PAK6: variants seen among roughly 807,000 people sequenced by gnomAD.
PAK6 encodes serine/threonine-protein kinase PAK 6.
A neutral mutation model predicts 60.8 loss-of-function variants in PAK6; 33 were observed. The ratio of observed to expected loss-of-function variants is 0.54; its 90% CI spans 0.41 to 0.73. The LOEUF (loss-of-function observed/expected upper bound fraction) is 0.73. Among genes scored for constraint, PAK6 ranks in the 30% least tolerant of loss-of-function variants. The pLI is 0.00. For missense variants in PAK6, 845 were observed against 904.1 expected (o/e 0.93, Z 0.84); for synonymous variants, 404 against 378.5 (o/e 1.07, Z -0.78).
intron 3 of PAK6, chr15:40,263,748 G>C: frequency 1.9e-5 from 7 of 365,316 alleles, no homozygotes; most frequent in South Asian, 1.4e-4. Flanking sequence ...ATGGGTATCC[G>C]GGACTACAGG....
intron 10 of PAK6, 148 bp downstream of exon 10, chr15:40,274,424 G>A (rs955312301): frequency 1.1e-4 from 90 of 828,354 alleles, no homozygotes; most frequent in Non-Finnish European, 7.3e-6. Flanking sequence ...CACAAAACCC[G>A]CACCTGGGTG....
At chr15:40,246,792 AG>A (rs1280253851) in intron 2 of PAK6, 4 of 152,374 alleles carry the variant, frequency 2.6e-5, no homozygotes, top group Non-Finnish European at 5.9e-5. Context: ...GAAGGATGGC[AG>A]CATGGCACAG....
intron 2 of PAK6, chr15:40,252,600 T>A: frequency 3.7e-6 from 5 of 1,351,588 alleles, no homozygotes; most frequent in Non-Finnish European, 4.9e-6. Context: ...GCGCGGCCCC[T>A]CCTCGGCGTT....
At chr15:40,265,879 A>G in exon 5 of PAK6, 6 of 1,558,022 alleles carry the variant, frequency 3.9e-6, no homozygotes, top group Non-Finnish European at 5.2e-6. Flanking sequence ...GTGGATGGCT[A>G]CATCTCGGGG....
exon 5 of PAK6, chr15:40,266,364 G>C: frequency 6.2e-7 from 1 of 1,612,816 alleles, no homozygotes; most frequent in Non-Finnish European, 8.5e-7. Context: ...CAGGCCAGGT[G>C]GGGAAGGCAG....
intron 3 of PAK6, among the ~76,000 whole-genome samples, chr15:40,256,510 G>A (rs2038838499): frequency 6.6e-6 from 1 of 152,196 alleles, no homozygotes; most frequent in Non-Finnish European, 1.5e-5. Context: ...GGTGATGGTA[G>A]TAGAGTGCTT....
intron 3 of PAK6, chr15:40,259,832 A>G (rs1175278419): frequency 2.0e-5 from 3 of 151,496 alleles, no homozygotes; most frequent in Non-Finnish European, 4.4e-5. Flanking sequence ...TAGAGAAGCA[A>G]TCCGTCGTCT....
chr15:40,276,474 C>T (rs1490630841), exon 11 of PAK6: 2 of 188,254 alleles, frequency 1.1e-5, no homozygotes, highest in Non-Finnish European at 2.2e-5. Flanking sequence ...GACTGCTGGT[C>T]TCCACAGATA....
At position 40,248,465 on chromosome 15, in the gene PAK6, TCCAGCACACGTGCCC is replaced by T. The variant is rs1408832546; in HGVS notation, c.-117-4709_-117-4695del. ...TCCACAGGGCTCCTCCTGCCAAGCATCCAGCACACGTGCCCCCACCTCCCCGGCAGGTCCTGCTTG... is the reference window on the plus strand; with the variant it reads ...TCCACAGGGCTCCTCCTGCCAAGCATCCACCTCCCCGGCAGGTCCTGCTTG... On this transcript the variant is annotated intron_variant, in intron 2 of 10. Coordinates refer to ENST00000560346, the Ensembl canonical transcript of PAK6. Among the ~76,000 whole-genome samples the T allele has an allele frequency of 2.0e-5, 3 of 152,264 alleles. No homozygotes were observed. In the East Asian group the frequency reaches 5.8e-4, roughly 29 times the overall value.
rs1310345834 is a variant in PAK6 at position 40,268,084 on chromosome 15, G to A, written c.858+1589G>A. 5.3e-5 allele frequency among the ~76,000 whole-genome samples: 8 copies of A among 152,152 alleles called. No individual in the cohort carries two copies. The East Asian group carries it at 1.5e-3, about 29-fold the overall frequency. On this transcript the variant is annotated intron_variant, in intron 5 of 10. Transcript: ENST00000560346. ...ATGGGCCACTGCTGCTGGGTATGCC[G>A]GGATGTCCCCCATACTTGTGGGAGC...
intron 3 of PAK6, 80 bp downstream of exon 3, chr15:40,253,369 C>G (rs1006142130): frequency 2.3e-6 from 1 of 429,448 alleles, no homozygotes; most frequent in Admixed American, 2.5e-5. Flanking sequence ...AGTGGGCAGG[C>G]AGGTGGCCCT....
chr15:40,272,638 C>G (rs145812191), exon 6 of PAK6: 1 of 1,609,288 alleles, frequency 6.2e-7, no homozygotes, highest in South Asian at 1.1e-5. Context: ...CTGCTTGGCC[C>G]GGGAGAAGCA....
At chr15:40,262,333 G>A (rs1463372044) in intron 3 of PAK6, among the ~76,000 whole-genome samples, 7 of 152,108 alleles carry the variant, frequency 4.6e-5, no homozygotes, top group East Asian at 1.9e-4. Context: ...GTGAAATCCC[G>A]TCTCTACTAA....
At chr15:40,258,300 GGGA>G in intron 3 of PAK6, among the ~76,000 whole-genome samples, 1 of 152,194 alleles carries the variant, frequency 6.6e-6, no homozygotes, top group Non-Finnish European at 1.5e-5. Context: ...CCTCCAGAGA[GGGA>G]GAAGAACCAC....
Position 40,264,521 on chromosome 15 carries a change from T to C in PAK6, c.-5-260T>C, listed in dbSNP as rs1259948826. Reference sequence around the variant, plus strand: ...GAGTCTGCCTGCTCCATAGGGGACTTGGCACAGGCAAGAAGACACCTCTTT... The same window carrying C: ...GAGTCTGCCTGCTCCATAGGGGACTCGGCACAGGCAAGAAGACACCTCTTT... On this transcript the variant is annotated intron_variant, in intron 3 of 10. Coordinates refer to ENST00000560346, the Ensembl canonical transcript of PAK6. 1.5e-5 allele frequency: 9 copies of C among 592,270 alleles called. 1 individual carries two copies. In the East Asian group the frequency reaches 3.2e-4, roughly 21 times the overall value. The allele number at this position is 592,270 out of a possible 1,614,324, so 36.7% of individuals were successfully genotyped here.
At chr15:40,272,121 C>A in intron 5 of PAK6, 103 bp from the exon 6 acceptor site, 2 of 1,314,530 alleles carry the variant, frequency 1.5e-6, no homozygotes, top group Non-Finnish European at 2.1e-6. Context: ...CCCCGCCTGA[C>A]CCTGCCAGAG....
chr15:40,272,200 C>T, intron 5 of PAK6, 24 bp from the exon 6 acceptor site: 1 of 1,592,676 alleles, frequency 6.3e-7, no homozygotes, highest in Non-Finnish European at 8.6e-7. Flanking sequence ...AGCCCTGACC[C>T]TTCCTGTTGC....
exon 4 of PAK6, chr15:40,264,792 C>T (rs1370253658): frequency 5.0e-6 from 8 of 1,613,696 alleles, no homozygotes; most frequent in East Asian, 4.5e-5. Context: ...CACCATGTTC[C>T]GCAAGAAAAA....
intron 5 of PAK6, among the ~76,000 whole-genome samples, chr15:40,270,861 C>T (rs926362333): frequency 1.3e-5 from 2 of 152,200 alleles, no homozygotes; most frequent in African/African-American, 2.4e-5. Flanking sequence ...AGGCCAGGGA[C>T]TTGGCTGGAG....
Sources: allele counts gnomAD v4.1 joint callset (sites outside exome capture counted in the v4.1 genomes callset), GRCh38; gene constraint gnomAD v4.1.1; transcripts MANE v1.5; gene names NCBI Gene and HGNC (gene_info 2026-07-23, HGNC 2026-07-21).